The following PROKR2 variants were observed in gnomAD, a reference collection of about 807,000 sequenced individuals.
PROKR2 encodes the protein G protein-coupled receptor 73-like 1.
A neutral mutation model predicts 23.4 loss-of-function variants in PROKR2; 26 were observed. The observed-to-expected ratio is 1.11, with a 90% CI of 0.81 to 1.54. PROKR2 has a LOEUF of 1.54. Among genes scored for constraint, PROKR2 ranks in the 40% most tolerant of loss-of-function variants. The probability of loss-of-function intolerance (pLI) is 0.00; values close to 1 mark genes in which losing one functional copy is unlikely to be tolerated. For missense variants in PROKR2, 453 were observed against 511.5 expected (o/e 0.89, Z 1.10); for synonymous variants, 212 against 201.2 (o/e 1.05, Z -0.45).
At chr20:5,309,001 G>A (rs991481705) in intron 2 of PROKR2, among the ~76,000 whole-genome samples, 4 of 152,100 alleles carry the variant, frequency 2.6e-5, no homozygotes, top group Non-Finnish European at 5.9e-5. Context: ...CCCAACCGCT[G>A]GCTGCACCCT....
In PROKR2 at chr20:5,302,082, C is replaced by A. The variant is rs1352083175; in HGVS notation, c.1113G>T (p.Gly371=). The A allele has an allele frequency of 3.1e-6, 5 of 1,614,112 alleles. No homozygotes were observed. Among genetic ancestry groups the A allele is most frequent in the Non-Finnish European group, 4.2e-6 (5 of 1,180,018 alleles). ...SSADLDLRTN[G]VPTTEEVDCI... ...AGTCCACCTCTTCTGTGGTGGGCAC[C>A]CCGTTGGTTCTGAGGTCAAGGTCAG... The change falls in exon 3 of 3, where the codon GGG becomes GGT. Residue 371 remains glycine, a synonymous_variant. Coordinates refer to ENST00000678254, the MANE Select transcript of PROKR2 (RefSeq NM_144773.4).
At chr20:5,312,109 G>A (rs886440946) in intron 2 of PROKR2, among the ~76,000 whole-genome samples, 4 of 152,120 alleles carry the variant, frequency 2.6e-5, no homozygotes, top group African/African-American at 4.8e-5. Context: ...CCAGGAATCT[G>A]ACTTTGTATC....
At chr20:5,311,658 A>G (rs1471203079) in intron 2 of PROKR2, among the ~76,000 whole-genome samples, 1 of 152,230 alleles carries the variant, frequency 6.6e-6, no homozygotes, top group African/African-American at 2.4e-5. Flanking sequence ...CATTTGAGTC[A>G]GTGGGCTGGG....
chr20:5,302,470 C>T lies in PROKR2; in HGVS notation c.725G>A (p.Cys242Tyr), dbSNP rs1404173625. ...FVGPVVTMTL[C>Y]YARISRELWF... ...GAGCTCCCGGGAGATCCTGGCATAG[C>T]ACAGGGTCATGGTGACCACAGGGCC... Residue 242 changes from cysteine (C) to tyrosine (Y), a missense_variant, in exon 3 of 3, where the codon TGC becomes TAC. Coordinates refer to ENST00000678254, the MANE Select transcript of PROKR2 (RefSeq NM_144773.4). 31 of 1,614,200 alleles carry T rather than the reference C, an allele frequency of 1.9e-5. No homozygotes were observed. The highest frequency in any genetic ancestry group is 2.6e-5 in the Non-Finnish European group (31 of 1,180,044).
At chr20:5,306,095 C>T (rs745974858) in intron 2 of PROKR2, among the ~76,000 whole-genome samples, 13 of 152,230 alleles carry the variant, frequency 8.5e-5, no homozygotes, top group Middle Eastern at 3.4e-3. Context: ...TTTTTGATGG[C>T]GGCCAATGTT....
chr20:5,301,440 C>T lies in PROKR2; in HGVS notation c.*600G>A, dbSNP rs374868718. ...AGAGACAGGGTTTCACCATGTTGGC[C>T]AGCCTGGGTTGAACTCCTGACCTCA... On this transcript the variant is annotated 3_prime_UTR_variant, in exon 3 of 3. Coordinates refer to ENST00000678254, the MANE Select transcript of PROKR2 (RefSeq NM_144773.4). Among the ~76,000 whole-genome samples the T allele has an allele frequency of 6.6e-6, 1 of 152,122 alleles. No individual in the cohort carries two copies. Among genetic ancestry groups the T allele is most frequent in the East Asian group, 1.9e-4 (1 of 5,182 alleles).
chr20:5,307,270 G>T lies in PROKR2; in HGVS notation c.459-4534C>A, dbSNP rs187991238. Among the ~76,000 whole-genome samples, 821 of 152,232 alleles carry T rather than the reference G, an allele frequency of 5.4e-3. 6 individuals are homozygous for T. Among genetic ancestry groups the T allele is most frequent in the Middle Eastern group, 0.017 (5 of 294 alleles). On this transcript the variant is annotated intron_variant, in intron 2 of 2. Coordinates refer to ENST00000678254, the MANE Select transcript of PROKR2 (RefSeq NM_144773.4). ...ACCAGTTACAATGAGTAATTTAATG[G>T]TAGCTATGATAGCGGTGATCACCAT... is the stretch of plus-strand genomic sequence containing the variant.
At chr20:5,313,127 TTAAG>T (rs1409229750) in intron 2 of PROKR2, among the ~76,000 whole-genome samples, 15 of 142,318 alleles carry the variant, frequency 1.1e-4, no homozygotes, top group African/African-American at 2.4e-4. Context: ...CTGTATGCCA[TTAAG>T]TATTTACAAT....
chr20:5,303,609 T>C (rs570460104), intron 2 of PROKR2, among the ~76,000 whole-genome samples: 1 of 152,302 alleles, frequency 6.6e-6, no homozygotes, highest in East Asian at 1.9e-4. Flanking sequence ...TTTGTGTGGA[T>C]TGAATACTTT....
At chr20:5,308,350 C>A (rs1301555345) in intron 2 of PROKR2, among the ~76,000 whole-genome samples, 4 of 152,230 alleles carry the variant, frequency 2.6e-5, no homozygotes, top group African/African-American at 7.2e-5. Flanking sequence ...CCGCCCAGGG[C>A]AGAAAACCGC....
At chr20:5,306,514 G>A (rs1033495883) in intron 2 of PROKR2, among the ~76,000 whole-genome samples, 1 of 152,182 alleles carries the variant, frequency 6.6e-6, no homozygotes, top group African/African-American at 2.4e-5. Context: ...AGCCTGTTAA[G>A]TGTTTTCATT....
chr20:5,315,904 G>A (rs1979651649), intron 1 of PROKR2: 1 of 456,344 alleles, frequency 2.2e-6, no homozygotes, highest in Admixed American at 2.4e-5. Flanking sequence ...GCGCGCGCCC[G>A]GGCTGGGACA....
intron 2 of PROKR2, among the ~76,000 whole-genome samples, chr20:5,303,508 GAGA>G (rs1440006081): frequency 6.6e-6 from 1 of 152,240 alleles, no homozygotes; most frequent in Non-Finnish European, 1.5e-5. Context: ...GTGCTCAAAT[GAGA>G]AGGTGTGTGA....
intron 2 of PROKR2, among the ~76,000 whole-genome samples, chr20:5,305,953 A>G (rs1431192591): frequency 2.6e-5 from 4 of 152,196 alleles, no homozygotes; most frequent in African/African-American, 9.7e-5. Context: ...GAACAATTAT[A>G]TAGCCCTCAG....
chr20:5,314,422 A>C (rs1250508895), intron 1 of PROKR2, 45 bp from the exon 2 acceptor site: 3 of 1,474,126 alleles, frequency 2.0e-6, no homozygotes, highest in African/African-American at 1.4e-5. Flanking sequence ...GTGAGGGTCC[A>C]GACCTTCTGC....
chr20:5,304,126 G>A (rs1446022250), intron 2 of PROKR2, among the ~76,000 whole-genome samples: 1 of 152,060 alleles, frequency 6.6e-6, no homozygotes. Flanking sequence ...AGGACACTGG[G>A]TGAAAAGTAG....
rs184365571 is a variant in PROKR2, at chr20:5,308,145, G to C, written c.459-5409C>G. Among the ~76,000 whole-genome samples, 69 of 152,130 alleles carry C rather than the reference G, an allele frequency of 4.5e-4. No individual in the cohort carries two copies. The East Asian group carries it at 9.3e-3, about 20-fold the overall frequency. ...AGCTCACTGTGACAAAGCTGCCTTT[G>C]CTTTTATCGATTTGCAAATCAAATA... On this transcript the variant is annotated intron_variant, in intron 2 of 2. Transcript: ENST00000678254.
chr20:5,302,547 C>T lies in PROKR2; in HGVS notation c.648G>A (p.Gln216=). The stretch of plus-strand genomic sequence containing the variant: ...GGAAGTAGGACTTGTAGTAGAGCTG[C>T]TGATCCACAGGCCAGATCTGGCCAC... ...IFCGQIWPVD[Q]QLYYKSYFLF... Residue 216 remains glutamine (Q), a synonymous_variant, in exon 3 of 3, where the codon CAG becomes CAA. Coordinates refer to ENST00000678254, the MANE Select transcript of PROKR2 (RefSeq NM_144773.4). 6.2e-7 allele frequency: 1 copy of T among 1,614,228 alleles called. No individual in the cohort carries two copies. Among genetic ancestry groups the T allele is most frequent in the Non-Finnish European group, 8.5e-7 (1 of 1,180,046 alleles).
In PROKR2 at chr20:5,314,195, C is replaced by A. The variant is rs1362052727; in HGVS notation, c.175G>T (p.Ala59Ser). Reference protein sequence around the residue: ...FFAAKIVIGIALAGIMLVCGI... With the variant: ...FFAAKIVIGISLAGIMLVCGI... The stretch of plus-strand genomic sequence containing the variant: ...CAGACCAGCATGATGCCTGCCAGTG[C>A]AATGCCAATGACGATCTTGGCTGCG... Residue 59 changes from alanine to serine, a missense_variant, in exon 2 of 3, where the codon GCA becomes TCA. Ala to Ser is a moderately conservative substitution (Grantham distance 99). Coordinates refer to ENST00000678254, the MANE Select transcript of PROKR2 (RefSeq NM_144773.4). 6.2e-7 allele frequency: 1 copy of A among 1,614,208 alleles called. No individual in the cohort carries two copies. The highest frequency in any genetic ancestry group is 8.5e-7 in the Non-Finnish European group (1 of 1,180,042).
Sources: allele counts gnomAD v4.1 joint callset (sites outside exome capture counted in the v4.1 genomes callset), GRCh38; gene constraint gnomAD v4.1.1; transcripts MANE v1.5; gene names NCBI Gene and HGNC (gene_info 2026-07-23, HGNC 2026-07-21).